Variants in GPATCH2L observed in about 807,000 individuals in gnomAD.
GPATCH2L encodes the protein G-patch domain containing 2 like, also known as G patch domain-containing protein 2-like.
Under a neutral mutation model 57.4 loss-of-function variants are expected in GPATCH2L, and 31 were observed. The observed-to-expected ratio is 0.54, with a 90% CI of 0.41 to 0.73. The LOEUF (loss-of-function observed/expected upper bound fraction) is 0.73, where lower values mean the gene tolerates loss of function less well. Among genes scored for constraint, GPATCH2L ranks in the 30% least tolerant of loss-of-function variants. The pLI, the probability that GPATCH2L is intolerant of heterozygous loss-of-function variation, is 0.00. For missense variants in GPATCH2L, 481 were observed against 599.9 expected (o/e 0.80, Z 2.07); for synonymous variants, 199 against 210.7 (o/e 0.94, Z 0.48).
intron 2 of GPATCH2L, among the ~76,000 whole-genome samples, chr14:76,165,263 G>A (rs1020759474): frequency 5.9e-5 from 9 of 152,134 alleles, no homozygotes; most frequent in Admixed American, 2.0e-4. Flanking sequence ...GGAGGCCATG[G>A]TGGGCGGATC....
intron 2 of GPATCH2L, among the ~76,000 whole-genome samples, chr14:76,155,264 C>G (rs1331532011): frequency 6.6e-6 from 1 of 152,170 alleles, no homozygotes; most frequent in Non-Finnish European, 1.5e-5. Context: ...GTTTAAAACG[C>G]GTACCTCAAA....
At position 76,212,035 on chromosome 14, in the gene GPATCH2L, A is replaced by T. The variant is rs1025753453; in HGVS notation, c.*10184A>T. 1 of 152,152 alleles carries T rather than the reference A, an allele frequency of 6.6e-6. No homozygotes were observed. Among genetic ancestry groups the T allele is most frequent in the Non-Finnish European group, 1.5e-5 (1 of 68,026 alleles). 9.4% of individuals were successfully genotyped at this position (152,152 alleles called of 1,614,324 possible). A position where few individuals can be genotyped will look rare whatever the true frequency, so the allele number is the denominator to read the frequency against. ...GTAAATTACTAATTTTTCATTGCTC[A>T]TAGTAGAGAATTAAGGTATATTGAC... On this transcript the variant is annotated 3_prime_UTR_variant, in exon 10 of 10. Coordinates refer to ENST00000261530, the MANE Select transcript of GPATCH2L (RefSeq NM_017926.4).
At chr14:76,201,650 T>A in intron 9 of GPATCH2L, 41 bp from the exon 10 acceptor site, 1 of 1,456,222 alleles carries the variant, frequency 6.9e-7, no homozygotes, top group Non-Finnish European at 9.2e-7. Flanking sequence ...CTAATTTATC[T>A]CCCCTTGATG....
intron 3 of GPATCH2L, among the ~76,000 whole-genome samples, chr14:76,171,012 A>G (rs2039058251): frequency 1.3e-5 from 2 of 152,186 alleles, no homozygotes; most frequent in South Asian, 2.1e-4. Flanking sequence ...GGGTTTAGTG[A>G]GTGGTAGCTT....
chr14:76,215,530 T>C (rs1447427831), downstream of GPATCH2L, among the ~76,000 whole-genome samples: 4 of 151,236 alleles, frequency 2.6e-5, no homozygotes, highest in Non-Finnish European at 5.9e-5. Flanking sequence ...TGTCCAACAA[T>C]GATAGACTGG....
downstream of GPATCH2L, among the ~76,000 whole-genome samples, chr14:76,215,257 C>A (rs558517689): frequency 6.6e-6 from 1 of 152,074 alleles, no homozygotes; most frequent in Admixed American, 6.5e-5. Flanking sequence ...ATTAAAAAGT[C>A]AGGAAACAAC....
chr14:76,186,150 G>C (rs2039757690), intron 8 of GPATCH2L, among the ~76,000 whole-genome samples: 1 of 151,976 alleles, frequency 6.6e-6, no homozygotes, highest in African/African-American at 2.4e-5. Flanking sequence ...CTTTGAGTTG[G>C]CTTCCAGAGT....
intron 2 of GPATCH2L, among the ~76,000 whole-genome samples, chr14:76,166,199 TA>T (rs533982916): frequency 6.3e-4 from 96 of 152,376 alleles, no homozygotes; most frequent in African/African-American, 1.0e-3. Context: ...AGTTTTGTCA[TA>T]TTTTTTTCTT....
chr14:76,156,507 T>G (rs1192851660), intron 2 of GPATCH2L, among the ~76,000 whole-genome samples: 1 of 152,234 alleles, frequency 6.6e-6, no homozygotes, highest in Non-Finnish European at 1.5e-5. Context: ...ATTTGCAGAA[T>G]TTATATGTAT....
intron 5 of GPATCH2L, chr14:76,175,232 T>C (rs1299419947): frequency 6.6e-6 from 1 of 152,196 alleles, no homozygotes; most frequent in African/African-American, 2.4e-5. Context: ...TCCCTTTAGC[T>C]TGCCTGGAAG....
At chr14:76,198,626 C>T (rs2040227017) in intron 9 of GPATCH2L, among the ~76,000 whole-genome samples, 1 of 152,152 alleles carries the variant, frequency 6.6e-6, no homozygotes, top group African/African-American at 2.4e-5. Flanking sequence ...CTTTCTCTTT[C>T]TGGGATAGGA....
Position 76,171,771 on chromosome 14 carries a change from A to G in GPATCH2L, c.728-72A>G, listed in dbSNP as rs953554250. The G allele has an allele frequency of 7.7e-6, 7 of 904,418 alleles. No homozygotes were observed. The Admixed American group carries it at 1.1e-4, about 14-fold the overall frequency. The allele number at this position is 904,418 out of a possible 1,614,324, so 56.0% of individuals were successfully genotyped here. The stretch of plus-strand genomic sequence containing the variant: ...ATGATCAAAACTATGGCACTAAGAA[A>G]TCATCCCTCCCATTTGTTTTTCTCA... On this transcript the variant is annotated intron_variant, in intron 3 of 9. Coordinates refer to ENST00000261530, the MANE Select transcript of GPATCH2L (RefSeq NM_017926.4).
At chr14:76,232,552 C>T (rs549353481) in intron 2 of GPATCH2L, among the ~76,000 whole-genome samples, 5 of 152,238 alleles carry the variant, frequency 3.3e-5, no homozygotes, top group Non-Finnish European at 5.9e-5. Context: ...ATTGCAAGTC[C>T]GGGGGCGTTC....
intron 7 of GPATCH2L, 83 bp from the exon 8 acceptor site, chr14:76,180,681 A>G (rs1047400687): frequency 1.0e-5 from 9 of 871,148 alleles, no homozygotes; most frequent in Admixed American, 5.3e-5. Flanking sequence ...TCAAAGGGGA[A>G]AAGTAATCAA....
intron 1 of GPATCH2L, among the ~76,000 whole-genome samples, chr14:76,222,976 GA>G (rs1314092739): frequency 8.1e-5 from 12 of 147,478 alleles, no homozygotes; most frequent in Non-Finnish European, 1.2e-4. Context: ...AAAAAAGAAA[GA>G]AAAAAAAGTT....
chr14:76,213,227 T>A lies in GPATCH2L; in HGVS notation c.*11376T>A, dbSNP rs1194068649. The A allele has an allele frequency of 2.6e-5, 4 of 152,086 alleles. No individual in the cohort carries two copies. Among genetic ancestry groups the A allele is most frequent in the Non-Finnish European group, 4.4e-5 (3 of 68,012 alleles). 9.4% of individuals were successfully genotyped at this position (152,086 alleles called of 1,614,324 possible). On this transcript the variant is annotated 3_prime_UTR_variant, in exon 10 of 10. Transcript: ENST00000261530. ...CAAACACAAAATAAGAATTACCAAG[T>A]ATTGAATAGGTAAGAGTCATAAAAT...
chr14:76,178,508 T>A (rs2039429298), intron 7 of GPATCH2L: 2 of 226,472 alleles, frequency 8.8e-6, no homozygotes, highest in African/African-American at 2.3e-5. Flanking sequence ...TCTGTTGTTA[T>A]TACATTGTAA....
intron 4 of GPATCH2L, among the ~76,000 whole-genome samples, chr14:76,172,314 A>C (rs1196283146): frequency 3.3e-5 from 5 of 152,200 alleles, no homozygotes; most frequent in African/African-American, 1.2e-4. Flanking sequence ...CTGATGTGAA[A>C]CTAAGAGGTT....
chr14:76,168,963 C>T (rs2038967022), intron 3 of GPATCH2L, among the ~76,000 whole-genome samples: 1 of 152,212 alleles, frequency 6.6e-6, no homozygotes, highest in South Asian at 2.1e-4. Flanking sequence ...TTTATAACCA[C>T]AGTTCTTTGG....
Sources: gnomAD v4.1 joint callset for allele counts (sites outside exome capture counted in the v4.1 genomes callset) on GRCh38, gnomAD v4.1.1 for gene constraint, MANE v1.5 for transcripts, NCBI Gene and HGNC (gene_info 2026-07-23, HGNC 2026-07-21) for gene names.